RABGAP1L: variants seen among roughly 807,000 people sequenced by gnomAD.
The protein encoded by RABGAP1L is rab GTPase-activating protein 1-like.
Under a neutral mutation model 137.7 loss-of-function variants are expected in RABGAP1L, and 63 were observed. That is an observed-to-expected ratio of 0.46 (90% confidence interval 0.37 to 0.56). The LOEUF (loss-of-function observed/expected upper bound fraction) is 0.56, where lower values mean the gene tolerates loss of function less well. Among genes scored for constraint, RABGAP1L ranks in the 20% least tolerant of loss-of-function variants. The pLI is 0.00. For synonymous variants in RABGAP1L, 431 were observed against 433.7 expected (o/e 0.99, Z 0.08); for missense variants, 1,095 against 1,244.0 (o/e 0.88, Z 1.80).
At chr1:174,927,250 G>T (rs1200181615) in intron 19 of RABGAP1L, among the ~76,000 whole-genome samples, 1 of 152,054 alleles carries the variant, frequency 6.6e-6, no homozygotes, top group Non-Finnish European at 1.5e-5. Flanking sequence ...ATTCTAATTT[G>T]CCAAGATTTT....
At chr1:174,516,729 G>T (rs961908942) in intron 13 of RABGAP1L, among the ~76,000 whole-genome samples, 1 of 152,048 alleles carries the variant, frequency 6.6e-6, no homozygotes, top group Admixed American at 6.6e-5. Context: ...TTAGGGCTTA[G>T]CAAGGTTTAA....
intron 17 of RABGAP1L, among the ~76,000 whole-genome samples, chr1:174,723,921 G>A (rs1421767370): frequency 6.6e-6 from 1 of 152,204 alleles, no homozygotes; most frequent in Non-Finnish European, 1.5e-5. Flanking sequence ...ATTGATGTTT[G>A]AGAAAAGTAA....
chr1:174,204,736 CG>C (rs1336398856), intron 1 of RABGAP1L, among the ~76,000 whole-genome samples: 5 of 152,076 alleles, frequency 3.3e-5, no homozygotes, highest in Admixed American at 3.3e-4. Context: ...ATCCTGGGGG[CG>C]GATGTCTCCC....
chr1:174,231,262 AG>A lies in RABGAP1L; in HGVS notation c.451del (p.Ala151LeufsTer8). The A allele has an allele frequency of 6.2e-7, 1 of 1,614,116 alleles. No homozygotes were observed. Among genetic ancestry groups the A allele is most frequent in the Non-Finnish European group, 8.5e-7 (1 of 1,179,978 alleles). ...GTTTCTTCCCCACGTAATGAAGTAG[AG>A]GCTTTACGGGCAATGGCAACCATGA... Reference protein sequence around the residue: ...MKVSSPRNEVEALRAMATMKS... With the variant: ...MKVSSPRNEVXALRAMATMKS... On this transcript the variant is annotated frameshift_variant, in exon 4 of 26. Coordinates refer to ENST00000681986, the MANE Select transcript of RABGAP1L (RefSeq NM_001366446.1). LOFTEE classifies it high-confidence loss of function.
intron 11 of RABGAP1L, among the ~76,000 whole-genome samples, chr1:174,358,608 C>T (rs778871370): frequency 6.6e-6 from 1 of 152,170 alleles, no homozygotes. Context: ...GGATGGCCTC[C>T]TGGTTCTGTT....
chr1:174,800,087 T>C, intron 18 of RABGAP1L: 1 of 1,308,074 alleles, frequency 7.6e-7, no homozygotes, highest in Non-Finnish European at 9.7e-7. Flanking sequence ...ATTCGATTGC[T>C]TTTGCCGTTT....
At chr1:174,897,062 C>G (rs1657325952) in intron 19 of RABGAP1L, 1 of 152,138 alleles carries the variant, frequency 6.6e-6, no homozygotes, top group Admixed American at 6.6e-5. Context: ...TTGATTCTTC[C>G]TATCCATGAG....
At chr1:174,955,164 G>C (rs371802792) in intron 19 of RABGAP1L, among the ~76,000 whole-genome samples, 3 of 152,272 alleles carry the variant, frequency 2.0e-5, no homozygotes, top group African/African-American at 7.2e-5. Flanking sequence ...TAAAGGATTC[G>C]TGTTTCTCAT....
intron 1 of RABGAP1L, among the ~76,000 whole-genome samples, chr1:174,192,669 A>C (rs1294137510): frequency 1.3e-5 from 2 of 152,220 alleles, no homozygotes; most frequent in South Asian, 4.1e-4. Flanking sequence ...ACATGGATCA[A>C]AATAAAGTAT....
intron 13 of RABGAP1L, among the ~76,000 whole-genome samples, chr1:174,430,298 G>A (rs533039616): frequency 2.6e-5 from 4 of 151,770 alleles, no homozygotes; most frequent in African/African-American, 4.8e-5. Context: ...GCTTGAGCCC[G>A]GAGGAGGCAA....
chr1:174,354,693 T>C (rs1683469276), intron 11 of RABGAP1L, among the ~76,000 whole-genome samples: 1 of 152,218 alleles, frequency 6.6e-6, no homozygotes, highest in African/African-American at 2.4e-5. Flanking sequence ...TTTTGGCTTT[T>C]GTTGCCATTG....
chr1:174,571,032 C>T (rs1667939919), intron 13 of RABGAP1L, among the ~76,000 whole-genome samples: 1 of 152,126 alleles, frequency 6.6e-6, no homozygotes, highest in African/African-American at 2.4e-5. Context: ...TGTGCATGAG[C>T]AGATGAATGG....
At chr1:174,493,004 G>T (rs1456503377) in intron 13 of RABGAP1L, among the ~76,000 whole-genome samples, 6 of 151,428 alleles carry the variant, frequency 4.0e-5, no homozygotes, top group Non-Finnish European at 8.8e-5. Flanking sequence ...GCTCCATGAG[G>T]TTAGGGACTA....
chr1:174,250,676 T>C (rs1672642438), intron 6 of RABGAP1L, 44 bp downstream of exon 6: 1 of 1,558,200 alleles, frequency 6.4e-7, no homozygotes, highest in Non-Finnish European at 8.8e-7. Context: ...GTATCTGGAG[T>C]ATAATATAGG....
At chr1:174,686,595 A>G (rs1678473513) in intron 15 of RABGAP1L, among the ~76,000 whole-genome samples, 2 of 149,586 alleles carry the variant, frequency 1.3e-5, no homozygotes. Flanking sequence ...TACTTGGATG[A>G]GAAGCTGAAG....
chr1:174,467,326 A>G (rs552692938), intron 13 of RABGAP1L, among the ~76,000 whole-genome samples: 3 of 152,160 alleles, frequency 2.0e-5, no homozygotes, highest in South Asian at 2.1e-4. Flanking sequence ...TCAGGGGTCT[A>G]CAGTTTCTCA....
chr1:174,404,515 G>A (rs1486918485), intron 13 of RABGAP1L, among the ~76,000 whole-genome samples: 1 of 152,016 alleles, frequency 6.6e-6, no homozygotes, highest in Non-Finnish European at 1.5e-5. Context: ...ACATATCATG[G>A]TAAGCCTCGG....
intron 17 of RABGAP1L, among the ~76,000 whole-genome samples, chr1:174,704,939 T>C (rs1319636693): frequency 1.3e-5 from 2 of 152,194 alleles, no homozygotes; most frequent in African/African-American, 4.8e-5. Context: ...TTGATAAATA[T>C]TCATAGACTT....
intron 13 of RABGAP1L, among the ~76,000 whole-genome samples, chr1:174,487,553 T>C (rs932498331): frequency 2.0e-5 from 3 of 152,168 alleles, no homozygotes; most frequent in Admixed American, 2.0e-4. Context: ...CAACAGATCA[T>C]TGAGTCTTGT....
Sources: allele counts gnomAD v4.1 joint callset (sites outside exome capture counted in the v4.1 genomes callset), GRCh38; gene constraint gnomAD v4.1.1; transcripts MANE v1.5; gene names NCBI Gene and HGNC (gene_info 2026-07-23, HGNC 2026-07-21).